The following PLXNA4 variants were observed in gnomAD, a reference collection of about 807,000 sequenced individuals.
PLXNA4 encodes plexin A4.
Under a neutral mutation model 191.8 loss-of-function variants are expected in PLXNA4, and 44 were observed. The observed-to-expected ratio is 0.23, with a 90% confidence interval of 0.18 to 0.29. The LOEUF is 0.29. Among genes scored for constraint, PLXNA4 ranks in the 10% least tolerant of loss-of-function variants. PLXNA4 has a pLI of 1.00. For missense variants in PLXNA4, 1,800 were observed against 2,488.8 expected (o/e 0.72, Z 5.89); for synonymous variants, 1,082 against 1,009.5 (o/e 1.07, Z -1.36).
intron 21 of PLXNA4, among the ~76,000 whole-genome samples, chr7:132,170,324 C>T (rs545183923): frequency 6.6e-6 from 1 of 152,254 alleles, no homozygotes; most frequent in Admixed American, 6.5e-5. Context: ...CTTCACAAAG[C>T]CCCAAGACAC....
intron 3 of PLXNA4, among the ~76,000 whole-genome samples, chr7:132,341,282 C>T (rs1803016503): frequency 1.3e-5 from 2 of 152,116 alleles, no homozygotes; most frequent in South Asian, 2.1e-4. Flanking sequence ...CTTTAACACA[C>T]CATATTTTAT....
At chr7:132,269,341 G>T (rs1401422118) in intron 4 of PLXNA4, among the ~76,000 whole-genome samples, 1 of 152,190 alleles carries the variant, frequency 6.6e-6, no homozygotes. Flanking sequence ...TGAGCAGAAA[G>T]AGGTCCTATA....
rs1287591075 is a variant in PLXNA4 at position 132,165,073 on chromosome 7, C to T, written c.4353+61G>A. On this transcript the variant is annotated intron_variant, in intron 23 of 31. Transcript: ENST00000321063. Reference sequence around the variant, plus strand: ...AGGACTCGGGGGTGTGGAGCGATCCCCAGTCAGGCTGCAGAGAATGAACGA... The same window carrying T: ...AGGACTCGGGGGTGTGGAGCGATCCTCAGTCAGGCTGCAGAGAATGAACGA... 1.6e-5 allele frequency: 25 copies of T among 1,584,084 alleles called. No homozygotes were observed. In the South Asian group the frequency reaches 2.1e-4, roughly 13 times the overall value.
Position 132,507,943 on chromosome 7 carries a change from C to T in PLXNA4, c.751G>A (p.Gly251Ser). 6.2e-7 allele frequency: 1 copy of T among 1,614,114 alleles called. No homozygotes were observed. Among genetic ancestry groups the T allele is most frequent in the Non-Finnish European group, 8.5e-7 (1 of 1,180,048 alleles). Residue 251 changes from glycine to serine, a missense_variant, in exon 2 of 32, where the codon GGC becomes AGC. Transcript: ENST00000321063. Reference protein sequence around the residue: ...DIYYVYGFSSGNFVYFLTLQP... With the variant: ...DIYYVYGFSSSNFVYFLTLQP... ...AGGGTCAAAAAGTAGACAAAGTTGC[C>T]ACTGCTAAAACCATAGACATAGTAG...
intron 3 of PLXNA4, among the ~76,000 whole-genome samples, chr7:132,411,563 T>C (rs1365991036): frequency 6.6e-6 from 1 of 152,226 alleles, no homozygotes; most frequent in Admixed American, 6.5e-5. Context: ...TTTCAACTTA[T>C]CACAAGGCTT....
chr7:132,470,776 T>C (rs1031014316), intron 3 of PLXNA4, among the ~76,000 whole-genome samples: 1 of 152,082 alleles, frequency 6.6e-6, no homozygotes, highest in Admixed American at 6.5e-5. Context: ...GGAAGAGAAC[T>C]GTAGCTGAGG....
intron 3 of PLXNA4, among the ~76,000 whole-genome samples, chr7:132,390,329 A>G (rs1805349598): frequency 6.6e-6 from 1 of 152,112 alleles, no homozygotes; most frequent in Non-Finnish European, 1.5e-5. Flanking sequence ...AGAAAACCAA[A>G]CACTGCACGT....
At chr7:132,364,125 C>T (rs1263284276) in intron 3 of PLXNA4, among the ~76,000 whole-genome samples, 1 of 152,220 alleles carries the variant, frequency 6.6e-6, no homozygotes, top group Admixed American at 6.5e-5. Flanking sequence ...TCAGATGCCA[C>T]CCTCCAGAAT....
At chr7:132,164,542 G>A (rs896168) in intron 23 of PLXNA4, among the ~76,000 whole-genome samples, 1,649 of 152,160 alleles carry the variant, frequency 0.011, 33 homozygotes, top group African/African-American at 0.037. Flanking sequence ...CGCCTCTCCA[G>A]GGCTCTTTCT....
intron 4 of PLXNA4, among the ~76,000 whole-genome samples, chr7:132,267,407 G>C: frequency 6.6e-6 from 1 of 152,180 alleles, no homozygotes; most frequent in Non-Finnish European, 1.5e-5. Flanking sequence ...GGGGAGAGGG[G>C]TGTGCCCAGC....
chr7:132,324,409 G>T (rs1384030105), intron 3 of PLXNA4, among the ~76,000 whole-genome samples: 2 of 152,106 alleles, frequency 1.3e-5, no homozygotes, highest in African/African-American at 4.8e-5. Flanking sequence ...GTGATAAGTT[G>T]GTTGTTAATA....
intron 2 of PLXNA4, among the ~76,000 whole-genome samples, chr7:132,642,365 G>T (rs1010115119): frequency 2.0e-5 from 3 of 151,958 alleles, no homozygotes; most frequent in African/African-American, 7.3e-5. Flanking sequence ...ACAAACCTTA[G>T]GGTAACCCTG....
intron 3 of PLXNA4, among the ~76,000 whole-genome samples, chr7:132,427,375 C>T (rs1216104551): frequency 6.6e-6 from 1 of 152,158 alleles, no homozygotes; most frequent in Non-Finnish European, 1.5e-5. Flanking sequence ...GTCTACAGCG[C>T]CCCATCAGAG....
intron 1 of PLXNA4, among the ~76,000 whole-genome samples, chr7:132,574,991 A>G (rs1015002108): frequency 2.0e-5 from 3 of 152,214 alleles, no homozygotes; most frequent in Admixed American, 2.0e-4. Flanking sequence ...GATCTTGGAC[A>G]GAGGGTACAA....
At chr7:132,548,513 C>A (rs116992100) in intron 1 of PLXNA4, among the ~76,000 whole-genome samples, 4,041 of 152,230 alleles carry the variant, frequency 0.027, 79 homozygotes, top group South Asian at 0.049. Flanking sequence ...CTGTTCCTAG[C>A]CCTGGGCCAA....
At chr7:132,174,378 C>T (rs942586680) in intron 21 of PLXNA4, among the ~76,000 whole-genome samples, 1 of 152,204 alleles carries the variant, frequency 6.6e-6, no homozygotes, top group African/African-American at 2.4e-5. Flanking sequence ...AGTGGTAAAT[C>T]CCATATATAT....
chr7:132,407,820 A>G (rs748298332), intron 3 of PLXNA4, among the ~76,000 whole-genome samples: 1 of 152,238 alleles, frequency 6.6e-6, no homozygotes, highest in Non-Finnish European at 1.5e-5. Context: ...TGAACTTAGA[A>G]CACACAGATT....
chr7:132,642,253 C>T (rs1286173088), intron 2 of PLXNA4, among the ~76,000 whole-genome samples: 1 of 152,070 alleles, frequency 6.6e-6, no homozygotes, highest in Non-Finnish European at 1.5e-5. Context: ...CGAAAGCCAA[C>T]ATTTCTGTAA....
intron 2 of PLXNA4, among the ~76,000 whole-genome samples, chr7:132,594,686 G>A (rs1486501123): frequency 6.6e-6 from 1 of 152,124 alleles, no homozygotes; most frequent in Admixed American, 6.6e-5. Context: ...ACAAAGAACG[G>A]TTCCAAATTT....
Sources: allele counts gnomAD v4.1 joint callset (sites outside exome capture counted in the v4.1 genomes callset), GRCh38; gene constraint gnomAD v4.1.1; transcripts MANE v1.5; gene names NCBI Gene and HGNC (gene_info 2026-07-23, HGNC 2026-07-21).